Variants in COL5A1 observed in about 807,000 individuals in gnomAD.
COL5A1 encodes collagen alpha-1(V) chain.
Under a neutral mutation model 263.7 loss-of-function variants are expected in COL5A1, and 16 were observed. The observed-to-expected ratio is 0.06, with a 90% CI of 0.04 to 0.09. The LOEUF (loss-of-function observed/expected upper bound fraction) is 0.09. COL5A1 is among the 10% of genes least tolerant of loss of function. COL5A1 has a pLI of 1.00. For synonymous variants in COL5A1, 1,012 were observed against 1,004.5 expected, an observed-to-expected ratio of 1.01 and a Z score of -0.14; for missense variants, 2,036 against 2,540.5, an observed-to-expected ratio of 0.80 and a Z score of 4.27.
intron 63 of COL5A1, among the ~76,000 whole-genome samples, chr9:134,826,600 TATGTGGATGGTGTGTGTGTAGATGGC>T (rs1006684588): frequency 1.4e-5 from 2 of 147,770 alleles, no homozygotes; most frequent in South Asian, 2.1e-4. Context: ...AGTTGGGGTG[TATGTGGATGGTGTGTGTGTAGATGGC>T]ATGTGGATGA....
At chr9:134,815,505 C>A in intron 50 of COL5A1, 71 bp from the exon 51 acceptor site, 1 of 1,489,138 alleles carries the variant, frequency 6.7e-7, no homozygotes, top group Non-Finnish European at 9.3e-7. Flanking sequence ...GAGGTGGTGA[C>A]ATGATTGGCC....
intron 20 of COL5A1, among the ~76,000 whole-genome samples, chr9:134,764,219 T>C (rs1444470164): frequency 6.1e-5 from 6 of 98,230 alleles, no homozygotes; most frequent in Non-Finnish European, 1.2e-4. Context: ...TTGTAGGGGG[T>C]CTAGGGGCAA....
chr9:134,732,087 G>C lies in COL5A1; in HGVS notation c.1349G>C (p.Gly450Ala), dbSNP rs2132643305. 6.2e-7 allele frequency: 1 copy of C among 1,614,226 alleles called. No homozygotes were observed. The highest frequency in any genetic ancestry group is 2.2e-5 in the East Asian group (1 of 44,888). The change falls in exon 9 of 66, where the codon GGC becomes GCC. Residue 450 changes from glycine to alanine, a missense_variant. By Grantham distance (60) the Gly-to-Ala change is moderately conservative (BLOSUM62 0). Transcript: ENST00000371817. ...TIYEGIGGPRGEKGQKGEPAI... is the reference protein window; with the variant it reads ...TIYEGIGGPRAEKGQKGEPAI... ...CACCCCCAGATTGGAGGACCTCGGG[G>C]CGAGAAAGGCCAAAAGGGAGAACCA...
At chr9:134,808,237 T>C (rs1838365096) in intron 42 of COL5A1, among the ~76,000 whole-genome samples, 1 of 152,194 alleles carries the variant, frequency 6.6e-6, no homozygotes, top group Non-Finnish European at 1.5e-5. Context: ...CATGTTTCCC[T>C]TCCCAATGTG....
At position 134,796,783 on chromosome 9, in the gene COL5A1, G is replaced by A. The variant is rs1837925136; in HGVS notation, c.2845-65G>A. 3 of 1,472,390 alleles carry A rather than the reference G, an allele frequency of 2.0e-6. No individual in the cohort carries two copies. In the South Asian group the frequency reaches 3.4e-5, roughly 17 times the overall value. The allele number at this position is 1,472,390 out of a possible 1,614,324, so 91.2% of individuals were successfully genotyped here. A position where few individuals can be genotyped will look rare whatever the true frequency, so the allele number is the denominator to read the frequency against. On this transcript the variant is annotated intron_variant, in intron 35 of 65. Transcript: ENST00000371817. Reference sequence around the variant, plus strand: ...GTTCAGAGAGCCACCGGCACAGGCAGGTCAGCGGCAGGAGCTGCTCGGGAG... The same window carrying A: ...GTTCAGAGAGCCACCGGCACAGGCAAGTCAGCGGCAGGAGCTGCTCGGGAG...
intron 42 of COL5A1, among the ~76,000 whole-genome samples, chr9:134,807,744 G>A (rs1447355278): frequency 6.6e-6 from 1 of 152,220 alleles, no homozygotes; most frequent in African/African-American, 2.4e-5. Context: ...CAATTTTGGT[G>A]TCTTCTAATC....
chr9:134,739,113 A>C (rs576917738), intron 11 of COL5A1, among the ~76,000 whole-genome samples: 113 of 152,308 alleles, frequency 7.4e-4, no homozygotes, highest in African/African-American at 2.6e-3. Flanking sequence ...ACCACAGCAG[A>C]TGGCTCCGGG....
At chr9:134,775,018 C>T in intron 27 of COL5A1, 106 bp downstream of exon 27, 1 of 1,068,612 alleles carries the variant, frequency 9.4e-7, no homozygotes, top group Non-Finnish European at 1.4e-6. Context: ...AATGTCCCTG[C>T]TATTCAGTCT....
At chr9:134,813,727 C>T (rs547005793) in intron 48 of COL5A1, among the ~76,000 whole-genome samples, 15 of 152,356 alleles carry the variant, frequency 9.8e-5, no homozygotes, top group Admixed American at 6.5e-4. Context: ...CTTGGAGCAG[C>T]GCTCCGGGAA....
intron 4 of COL5A1, among the ~76,000 whole-genome samples, chr9:134,724,485 C>T (rs1432834013): frequency 6.6e-6 from 1 of 152,220 alleles, no homozygotes; most frequent in Non-Finnish European, 1.5e-5. Context: ...ATTCCCTCCG[C>T]CCCGCCCGTG....
intron 31 of COL5A1, among the ~76,000 whole-genome samples, chr9:134,788,877 T>C (rs1837568084): frequency 1.1e-5 from 1 of 91,886 alleles, no homozygotes; most frequent in Non-Finnish European, 2.0e-5. Context: ...GACAGGCAGA[T>C]AGATGAATGG....
At chr9:134,814,098 C>T in intron 49 of COL5A1, 62 bp downstream of exon 49, 1 of 1,503,706 alleles carries the variant, frequency 6.7e-7, no homozygotes. Flanking sequence ...GGACGGGGTG[C>T]TGGGTTGGAG....
chr9:134,787,037 A>C (rs1399384798), intron 31 of COL5A1, among the ~76,000 whole-genome samples: 1 of 152,216 alleles, frequency 6.6e-6, no homozygotes, highest in African/African-American at 2.4e-5. Context: ...GCTTGCTGTG[A>C]AACAGGAATT....
rs1839805757 is a variant in COL5A1 at position 134,835,161 on chromosome 9, A to G, written c.5327A>G (p.Tyr1776Cys). The G allele has an allele frequency of 1.2e-6, 2 of 1,613,822 alleles. No individual in the cohort carries two copies. Among genetic ancestry groups the G allele is most frequent in the Non-Finnish European group, 1.7e-6 (2 of 1,180,030 alleles). The change falls in exon 65 of 66, where the codon TAT becomes TGT. Residue 1776 changes from tyrosine (Y) to cysteine (C), a missense_variant. Tyr to Cys is a radical substitution (Grantham distance 194, BLOSUM62 -2). This residue lies in a region of COL5A1 where 358 missense variants were observed against 384.6 expected (regional missense o/e 0.93). Transcript: ENST00000371817. ...FLGSNDEEMS[Y>C]DNNPYIRALV... Reference sequence around the variant, plus strand: ...GGCTCCAACGACGAGGAGATGTCCTATGACAACAACCCCTACATCCGCGCC... The same window carrying G: ...GGCTCCAACGACGAGGAGATGTCCTGTGACAACAACCCCTACATCCGCGCC...
chr9:134,756,637 G>A lies in COL5A1; in HGVS notation c.1828-128G>A, dbSNP rs1430144606. Reference sequence around the variant, plus strand: ...GTCCTCGCAGCAGCCCGGCCACTCGGGCTGTGACCTTGGGGGTGGGCGCGG... The same window carrying A: ...GTCCTCGCAGCAGCCCGGCCACTCGAGCTGTGACCTTGGGGGTGGGCGCGG... On this transcript the variant is annotated intron_variant, in intron 16 of 65. Transcript: ENST00000371817. 5 of 1,032,580 alleles carry A rather than the reference G, an allele frequency of 4.8e-6. No homozygotes were observed. In the Admixed American group the frequency reaches 5.3e-5, roughly 11 times the overall value. 64.0% of individuals were successfully genotyped at this position (1,032,580 alleles called of 1,614,324 possible).
intron 1 of COL5A1, among the ~76,000 whole-genome samples, chr9:134,664,843 A>G (rs1351297283): frequency 1.3e-5 from 2 of 152,048 alleles, no homozygotes; most frequent in African/African-American, 2.4e-5. Flanking sequence ...GGGTGGATCA[A>G]CTGAGCCCAG....
chr9:134,784,961 T>A, intron 29 of COL5A1, 28 bp from the exon 30 acceptor site: 1 of 1,422,114 alleles, frequency 7.0e-7, no homozygotes, highest in Non-Finnish European at 9.8e-7. Flanking sequence ...GGGGGTGGTC[T>A]TCTCACCTCC....
intron 39 of COL5A1, among the ~76,000 whole-genome samples, chr9:134,803,455 C>T (rs62571402): frequency 0.024 from 3,716 of 152,170 alleles, 47 homozygotes; most frequent in East Asian, 0.041. Flanking sequence ...GCCAACATGA[C>T]GAAACCCCAT....
Position 134,797,973 on chromosome 9 carries a change from G to A in COL5A1, c.2899-435G>A, listed in dbSNP as rs376065772. 5.0e-4 allele frequency among the ~76,000 whole-genome samples: 76 copies of A among 152,360 alleles called. 1 individual carries two copies. Among genetic ancestry groups the A allele is most frequent in the African/African-American group, 1.7e-3 (70 of 41,588 alleles). ...GGACACACGTCGCCTTATGGCAGGT[G>A]TGATGTATCTCCTCCAGTATGGACA... On this transcript the variant is annotated intron_variant, in intron 36 of 65. Transcript: ENST00000371817.
Sources: gnomAD v4.1 joint callset for allele counts (sites outside exome capture counted in the v4.1 genomes callset) on GRCh38, gnomAD v4.1.1 for gene constraint, gnomAD v4.1.1 regional missense constraint, MANE v1.5 for transcripts, NCBI Gene and HGNC (gene_info 2026-07-23, HGNC 2026-07-21) for gene names.